The following PDSS2 variants were observed in gnomAD, a reference collection of about 807,000 sequenced individuals.
The protein encoded by PDSS2 is decaprenyl diphosphate synthase subunit 2.
PDSS2 carries 31 observed loss-of-function variants against 44.5 expected under a neutral mutation model. That is an observed-to-expected ratio of 0.70 (90% CI 0.52 to 0.94). PDSS2 has a LOEUF of 0.94. Ranked by LOEUF, PDSS2 falls within the 40% of genes least tolerant of loss-of-function variation. The pLI is 0.00. For synonymous variants in PDSS2, 157 were observed against 180.3 expected (o/e 0.87, Z 1.03); for missense variants, 452 against 482.2 (o/e 0.94, Z 0.59).
intron 7 of PDSS2, among the ~76,000 whole-genome samples, chr6:107,185,901 A>T (rs1163441472): frequency 6.6e-6 from 1 of 152,206 alleles, no homozygotes; most frequent in African/African-American, 2.4e-5. Context: ...TGGAATTAAG[A>T]TCCCCACAGC....
At chr6:107,202,953 G>T (rs574650961) in intron 6 of PDSS2, among the ~76,000 whole-genome samples, 1 of 151,760 alleles carries the variant, frequency 6.6e-6, no homozygotes, top group African/African-American at 2.4e-5. Flanking sequence ...CTGCTCAGAG[G>T]TCTTGTTATT....
At chr6:107,352,413 C>A (rs930616387) in intron 1 of PDSS2, among the ~76,000 whole-genome samples, 1 of 152,154 alleles carries the variant, frequency 6.6e-6, no homozygotes, top group Admixed American at 6.5e-5. Flanking sequence ...TTCTAAAATT[C>A]TATTAAAAAT....
chr6:107,270,196 C>T (rs952741635), intron 3 of PDSS2, among the ~76,000 whole-genome samples: 31 of 152,248 alleles, frequency 2.0e-4, no homozygotes, highest in Admixed American at 1.6e-3. Context: ...GCAACCTCCA[C>T]CACCCAGGTT....
At chr6:107,297,929 A>G (rs1056915966) in intron 2 of PDSS2, among the ~76,000 whole-genome samples, 1 of 151,666 alleles carries the variant, frequency 6.6e-6, no homozygotes. Flanking sequence ...TATTTTTAGT[A>G]GAGACAGGGT....
chr6:107,459,389 AT>A lies in PDSS2; in HGVS notation c.-105del. 2.2e-6 allele frequency: 2 copies of A among 922,494 alleles called. No individual in the cohort carries two copies. Among genetic ancestry groups the A allele is most frequent in the South Asian group, 2.9e-5 (2 of 70,166 alleles). The allele number at this position is 922,494 out of a possible 1,614,324, so 57.1% of individuals were successfully genotyped here. A position where few individuals can be genotyped will look rare whatever the true frequency, so the allele number is the denominator to read the frequency against. On this transcript the variant is annotated 5_prime_UTR_variant, in exon 1 of 8. Transcript: ENST00000369037. The surrounding 1 kb of genome is among the most constrained non-coding windows in gnomAD (Gnocchi z 4.3). ...TTACAGTAACTAAAAGGAAGCGGCA[AT>A]TCTTGACCCTCAGAGTAAGGTGGCT...
chr6:107,355,824 G>A (rs546406412), intron 1 of PDSS2, among the ~76,000 whole-genome samples: 5 of 152,214 alleles, frequency 3.3e-5, no homozygotes, highest in Non-Finnish European at 7.3e-5. Flanking sequence ...CCCAGCATAT[G>A]CCAATTTAGG....
At chr6:107,217,924 A>C (rs1370731038) in intron 4 of PDSS2, among the ~76,000 whole-genome samples, 4 of 152,152 alleles carry the variant, frequency 2.6e-5, no homozygotes. Context: ...ATAATCTCAA[A>C]TCAGTTTTAT....
intron 2 of PDSS2, among the ~76,000 whole-genome samples, chr6:107,300,826 CACAT>C: frequency 6.6e-6 from 1 of 152,260 alleles, no homozygotes; most frequent in South Asian, 2.1e-4. Flanking sequence ...CACATATGTA[CACAT>C]ACATACATGT....
chr6:107,297,382 G>T (rs1450681661), intron 2 of PDSS2, among the ~76,000 whole-genome samples: 1 of 150,222 alleles, frequency 6.7e-6, no homozygotes, highest in Non-Finnish European at 1.5e-5. Context: ...AGGTGGGAGT[G>T]AATTTTTTTT....
intron 6 of PDSS2, among the ~76,000 whole-genome samples, chr6:107,201,562 T>C (rs554291046): frequency 6.6e-6 from 1 of 152,164 alleles, no homozygotes; most frequent in Non-Finnish European, 1.5e-5. Context: ...AACGTTTTTT[T>C]ATAAGTCAGG....
intron 1 of PDSS2, among the ~76,000 whole-genome samples, chr6:107,422,840 C>CA (rs1780869493): frequency 6.6e-6 from 1 of 151,960 alleles, no homozygotes; most frequent in Non-Finnish European, 1.5e-5. Context: ...ATGTTTTATA[C>CA]AAAAATAAAA....
At chr6:107,400,134 T>C (rs928263881) in intron 1 of PDSS2, among the ~76,000 whole-genome samples, 2 of 152,130 alleles carry the variant, frequency 1.3e-5, no homozygotes, top group Non-Finnish European at 2.9e-5. Context: ...GGGAGCTTTC[T>C]GACCCTATCA....
chr6:107,406,279 T>C (rs146423699), intron 1 of PDSS2, among the ~76,000 whole-genome samples: 266 of 152,336 alleles, frequency 1.7e-3, no homozygotes, highest in Middle Eastern at 3.4e-3. Flanking sequence ...TGGTTCCAAA[T>C]GTTATTATTT....
At chr6:107,212,046 G>T (rs1773235606) in intron 5 of PDSS2, 63 bp downstream of exon 5, 1 of 1,374,576 alleles carries the variant, frequency 7.3e-7, no homozygotes, top group Non-Finnish European at 1.0e-6. Context: ...AATGGCAAAA[G>T]GTTTCTTGTG....
At chr6:107,254,869 ATT>A (rs57837565) in intron 3 of PDSS2, among the ~76,000 whole-genome samples, 8 of 146,480 alleles carry the variant, frequency 5.5e-5, no homozygotes, top group African/African-American at 1.5e-4. Context: ...ATAAAACTAC[ATT>A]TTTTTTTTTT....
chr6:107,282,355 TTAGTGGTAAC>T (rs958177233), intron 2 of PDSS2, among the ~76,000 whole-genome samples: 2 of 152,174 alleles, frequency 1.3e-5, no homozygotes, highest in Non-Finnish European at 2.9e-5. Context: ...CATACAGGGA[TTAGTGGTAAC>T]TACTTCACAG....
At chr6:107,396,862 A>C (rs529580549) in intron 1 of PDSS2, among the ~76,000 whole-genome samples, 1 of 150,386 alleles carries the variant, frequency 6.6e-6, no homozygotes, top group East Asian at 1.9e-4. Context: ...CTGATTTTTT[A>C]TTTTTATTTT....
At chr6:107,451,375 A>C (rs965570829) in intron 1 of PDSS2, among the ~76,000 whole-genome samples, 1 of 152,152 alleles carries the variant, frequency 6.6e-6, no homozygotes, top group Non-Finnish European at 1.5e-5. Context: ...TCCGGGATCC[A>C]GGGTCTGAAA....
intron 1 of PDSS2, among the ~76,000 whole-genome samples, chr6:107,352,406 TA>T (rs2115339431): frequency 1.3e-5 from 2 of 152,354 alleles, no homozygotes; most frequent in Admixed American, 6.5e-5. Flanking sequence ...TAGAAGATTC[TA>T]AAATTCTATT....
Sources: gnomAD v4.1 joint callset for allele counts (sites outside exome capture counted in the v4.1 genomes callset) on GRCh38, gnomAD v4.1.1 for gene constraint, Gnocchi (gnomAD v3.1) non-coding constraint, MANE v1.5 for transcripts, NCBI Gene and HGNC (gene_info 2026-07-23, HGNC 2026-07-21) for gene names.